The following TRIM24 variants were observed in gnomAD, a reference collection of about 807,000 sequenced individuals.
TRIM24 encodes transcription intermediary factor 1-alpha.
Under a neutral mutation model 123.9 loss-of-function variants are expected in TRIM24, and 29 were observed. The observed-to-expected ratio is 0.23, with a 90% CI of 0.17 to 0.32. The LOEUF is 0.32. Ranked by LOEUF, TRIM24 falls within the 10% of genes least tolerant of loss-of-function variation. The probability of loss-of-function intolerance (pLI) is 1.00; values close to 1 mark genes in which losing one functional copy is unlikely to be tolerated. For missense variants in TRIM24, 932 were observed against 1,295.3 expected, an observed-to-expected ratio of 0.72 and a Z score of 4.31; for synonymous variants, 456 against 461.1, an observed-to-expected ratio of 0.99 and a Z score of 0.14.
At chr7:138,473,813 T>C (rs762611946) in intron 1 of TRIM24, among the ~76,000 whole-genome samples, 3 of 152,186 alleles carry the variant, frequency 2.0e-5, no homozygotes, top group Non-Finnish European at 4.4e-5. Context: ...ATTTGGACAA[T>C]AGAAACCTCT....
At chr7:138,475,849 G>A (rs947175323) in intron 1 of TRIM24, among the ~76,000 whole-genome samples, 7 of 152,090 alleles carry the variant, frequency 4.6e-5, no homozygotes, top group South Asian at 2.1e-4. Flanking sequence ...CTGCAAAATC[G>A]AAAAACTCAA....
intron 9 of TRIM24, among the ~76,000 whole-genome samples, chr7:138,562,775 G>A (rs1797453450): frequency 6.6e-6 from 1 of 152,140 alleles, no homozygotes; most frequent in Non-Finnish European, 1.5e-5. Context: ...GACAGTTCTG[G>A]TGGCTTTTTT....
intron 3 of TRIM24, among the ~76,000 whole-genome samples, chr7:138,516,052 C>A (rs1796387296): frequency 6.6e-6 from 1 of 152,190 alleles, no homozygotes; most frequent in African/African-American, 2.4e-5. Flanking sequence ...GTTATCCCAG[C>A]ACTTTGGGAG....
At position 138,589,571 on chromosome 7, in the gene TRIM24, T is replaced by G. The variant is rs1399783676; in HGVS notation, c.*4620T>G. The stretch of plus-strand genomic sequence containing the variant: ...TTTTTTAAAATTCTAACACGTGTAT[T>G]TCACCAGCCTTAAAAGATTTAAAAA... On this transcript the variant is annotated 3_prime_UTR_variant, in exon 19 of 19. Coordinates refer to ENST00000343526, the MANE Select transcript of TRIM24 (RefSeq NM_015905.3). The G allele has an allele frequency of 6.6e-6, 1 of 151,926 alleles. No homozygotes were observed. The highest frequency in any genetic ancestry group is 2.4e-5 in the African/African-American group (1 of 41,200). 9.4% of individuals were successfully genotyped at this position (151,926 alleles called of 1,614,324 possible).
At position 138,581,732 on chromosome 7, in the gene TRIM24, T is replaced by C. The variant is rs140741949; in HGVS notation, c.2754T>C (p.His918=). The C allele has an allele frequency of 1.6e-5, 26 of 1,613,388 alleles. No homozygotes were observed. The African/African-American group carries it at 1.7e-4, about 11-fold the overall frequency. Residue 918 remains histidine (H), a synonymous_variant, in exon 17 of 19, where the codon CAT becomes CAC. Transcript: ENST00000343526. ...GCCTACTTTTATTTCTTTACTGCCA[T>C]GAAATGAGCCTGGCTTTTCAAGACC... ...CERLLLFLYC[H]EMSLAFQDPV...
rs566928690 is a variant in TRIM24 at position 138,530,476 on chromosome 7, T to A, written c.996+1246T>A. On this transcript the variant is annotated intron_variant, in intron 6 of 18. Transcript: ENST00000343526. ...GTTCATTCTTAAAATTAAAAAAAAA[T>A]TTTTTTTGAGACAGGGTCTCACTCT... 4.5e-3 allele frequency among the ~76,000 whole-genome samples: 685 copies of A among 151,688 alleles called. 6 individuals carry two copies. Among genetic ancestry groups the A allele is most frequent in the African/African-American group, 0.016 (650 of 41,342 alleles).
At chr7:138,509,217 G>A (rs993912429) in intron 2 of TRIM24, among the ~76,000 whole-genome samples, 4 of 151,544 alleles carry the variant, frequency 2.6e-5, no homozygotes, top group African/African-American at 9.7e-5. Flanking sequence ...CCGAAGTGCT[G>A]GGATTACAAG....
At chr7:138,573,445 T>G (rs1246810446) in intron 11 of TRIM24, 62 bp from the exon 12 acceptor site, 12 of 1,424,516 alleles carry the variant, frequency 8.4e-6, no homozygotes, top group Non-Finnish European at 9.4e-7. Flanking sequence ...TTCTTATAAA[T>G]TTAAAAGTAG....
chr7:138,535,182 G>A (rs1211348826), intron 6 of TRIM24, among the ~76,000 whole-genome samples: 1 of 152,160 alleles, frequency 6.6e-6, no homozygotes, highest in East Asian at 1.9e-4. Flanking sequence ...TTGTCAGTCT[G>A]TGTGTTTTAA....
chr7:138,508,680 T>TGC (rs777842191), intron 2 of TRIM24, among the ~76,000 whole-genome samples: 30,346 of 96,676 alleles, frequency 0.31, 4,040 homozygotes, highest in Admixed American at 0.41. Context: ...TGTGTGTGTG[T>TGC]GTGTGTGTGT....
At chr7:138,480,034 G>T (rs1430490801) in intron 1 of TRIM24, among the ~76,000 whole-genome samples, 1 of 152,018 alleles carries the variant, frequency 6.6e-6, no homozygotes, top group African/African-American at 2.4e-5. Flanking sequence ...GGCCAGGCTG[G>T]TCTCAAACTC....
At chr7:138,572,219 T>C (rs1313142459) in intron 11 of TRIM24, among the ~76,000 whole-genome samples, 1 of 152,230 alleles carries the variant, frequency 6.6e-6, no homozygotes, top group Non-Finnish European at 1.5e-5. Flanking sequence ...TATTTTCTCA[T>C]GCATGGATGG....
At chr7:138,534,068 T>G (rs1469790889) in intron 6 of TRIM24, among the ~76,000 whole-genome samples, 1 of 152,206 alleles carries the variant, frequency 6.6e-6, no homozygotes, top group Non-Finnish European at 1.5e-5. Flanking sequence ...GATATCCCCT[T>G]TAACATTTTT....
At chr7:138,466,270 C>T (rs1241594602) in intron 1 of TRIM24, among the ~76,000 whole-genome samples, 1 of 152,114 alleles carries the variant, frequency 6.6e-6, no homozygotes, top group East Asian at 1.9e-4. Context: ...GCTGGGATTA[C>T]AGGCGTGAGC....
At chr7:138,466,446 T>C (rs1795140074) in intron 1 of TRIM24, among the ~76,000 whole-genome samples, 1 of 150,492 alleles carries the variant, frequency 6.6e-6, no homozygotes, top group Non-Finnish European at 1.5e-5. Flanking sequence ...CTTTTGCAAA[T>C]TTCAAAACTT....
chr7:138,552,325 A>G (rs1797228208), intron 8 of TRIM24, among the ~76,000 whole-genome samples: 1 of 152,218 alleles, frequency 6.6e-6, no homozygotes, highest in South Asian at 2.1e-4. Context: ...AACTCACTGA[A>G]TTATCACAAA....
At chr7:138,538,627 C>A in intron 6 of TRIM24, 30 bp from the exon 7 acceptor site, 1 of 1,610,818 alleles carries the variant, frequency 6.2e-7, no homozygotes, top group South Asian at 1.1e-5. Context: ...CATGCTGATA[C>A]TAATTTTGAA....
At chr7:138,519,762 T>C (rs1584715262) in intron 4 of TRIM24, among the ~76,000 whole-genome samples, 5 of 152,170 alleles carry the variant, frequency 3.3e-5, no homozygotes, top group Admixed American at 3.3e-4. Flanking sequence ...TCTGGCTTTT[T>C]TGAGAAAACG....
intron 2 of TRIM24, among the ~76,000 whole-genome samples, chr7:138,511,317 T>C (rs1481036924): frequency 1.3e-5 from 2 of 151,592 alleles, no homozygotes; most frequent in Admixed American, 6.6e-5. Flanking sequence ...TTTTTTTTTT[T>C]TGAGATGGAG....
Sources: allele counts gnomAD v4.1 joint callset (sites outside exome capture counted in the v4.1 genomes callset), GRCh38; gene constraint gnomAD v4.1.1; transcripts MANE v1.5; gene names NCBI Gene and HGNC (gene_info 2026-07-23, HGNC 2026-07-21).